CCDC30: variants seen among roughly 807,000 people sequenced by gnomAD.
CCDC30 encodes the protein coiled-coil domain containing 30.
In CCDC30, 70 loss-of-function variants were observed where a neutral mutation model predicts 100.2. The observed-to-expected ratio is 0.70, with a 90% confidence interval of 0.58 to 0.85. The LOEUF is 0.85. Among genes scored for constraint, CCDC30 ranks in the 40% least tolerant of loss-of-function variants. CCDC30 has a pLI of 0.00. For missense variants in CCDC30, 652 were observed against 771.2 expected, an observed-to-expected ratio of 0.85 and a Z score of 1.83; for synonymous variants, 233 against 269.5, an observed-to-expected ratio of 0.86 and a Z score of 1.33.
At chr1:42,496,579 TTTGA>T (rs1453433889) in intron 4 of CCDC30, among the ~76,000 whole-genome samples, 1 of 152,096 alleles carries the variant, frequency 6.6e-6, no homozygotes, top group African/African-American at 2.4e-5. Context: ...AACTATGTAG[TTTGA>T]TTAACAAAAA....
intron 15 of CCDC30, among the ~76,000 whole-genome samples, chr1:42,647,892 A>G (rs1345242725): frequency 2.6e-5 from 4 of 152,218 alleles, no homozygotes; most frequent in Admixed American, 2.6e-4. Flanking sequence ...ATGGGAATAC[A>G]AAATCTATGG....
chr1:42,586,094 G>A (rs1406928394), intron 9 of CCDC30, among the ~76,000 whole-genome samples: 2 of 152,210 alleles, frequency 1.3e-5, no homozygotes, highest in Non-Finnish European at 2.9e-5. Context: ...GAGTGAGGGA[G>A]CTTAAGAAAG....
intron 15 of CCDC30, among the ~76,000 whole-genome samples, chr1:42,646,619 G>A (rs888071991): frequency 2.0e-5 from 3 of 152,208 alleles, no homozygotes; most frequent in Non-Finnish European, 2.9e-5. Flanking sequence ...GAAGACATAA[G>A]AGTGGCTGTA....
chr1:42,639,825 G>T (rs996916159), intron 12 of CCDC30, among the ~76,000 whole-genome samples: 5 of 152,120 alleles, frequency 3.3e-5, no homozygotes, highest in Non-Finnish European at 7.3e-5. Flanking sequence ...GAAGGGCCAG[G>T]TGTGGTGGCT....
chr1:42,612,703 C>T (rs2148644447), intron 11 of CCDC30, among the ~76,000 whole-genome samples: 1 of 152,280 alleles, frequency 6.6e-6, no homozygotes, highest in South Asian at 2.1e-4. Context: ...CATGAAACTA[C>T]TTGGACCTGA....
At chr1:42,642,761 G>C (rs1647566621) in intron 13 of CCDC30, 152 bp downstream of exon 17, 2 of 702,940 alleles carry the variant, frequency 2.8e-6, no homozygotes, top group South Asian at 1.1e-4. Context: ...TCATACAAGT[G>C]GCAGAAATTG....
At chr1:42,589,326 T>C in exon 10 of CCDC30, 1 of 1,598,522 alleles carries the variant, frequency 6.3e-7, no homozygotes, top group Non-Finnish European at 8.5e-7. Context: ...CTCAGGAAAC[T>C]TCTATATCAG....
intron 6 of CCDC30, chr1:42,500,109 C>T: frequency 1.7e-6 from 2 of 1,152,026 alleles, no homozygotes; most frequent in Non-Finnish European, 2.6e-6. Context: ...CTTGATCCAA[C>T]CTCTTTGCAT....
At position 42,586,740 on chromosome 1, in the gene CCDC30, A is replaced by G. The variant is rs181493078; in HGVS notation, c.1002-2581A>G. On this transcript the variant is annotated intron_variant, in intron 9 of 16. Coordinates refer to ENST00000668663, the Ensembl canonical transcript of CCDC30. ...ATCAAGGAACAGAAAAAATATATAT[A>G]TAAGAAAGAGTAATGGGGAGCCACT... Among the ~76,000 whole-genome samples, 101 of 152,292 alleles carry G rather than the reference A, an allele frequency of 6.6e-4. 2 individuals are homozygous for G. Among genetic ancestry groups the G allele is most frequent in the Middle Eastern group, 3.4e-3 (1 of 294 alleles).
chr1:42,519,977 T>C (rs922543491), intron 6 of CCDC30, among the ~76,000 whole-genome samples: 1 of 152,184 alleles, frequency 6.6e-6, no homozygotes, highest in Non-Finnish European at 1.5e-5. Context: ...CACTTCCTAA[T>C]TTAATAATTT....
intron 9 of CCDC30, 36 bp downstream of exon 13, chr1:42,581,550 T>TA: frequency 6.3e-7 from 1 of 1,580,422 alleles, no homozygotes; most frequent in Non-Finnish European, 8.6e-7. Flanking sequence ...CCTGTGGGTT[T>TA]AGCCATGACT....
Position 42,542,180 on chromosome 1 carries a change from T to C in CCDC30, c.457-24116T>C, listed in dbSNP as rs115163381. Among the ~76,000 whole-genome samples, 570 of 152,360 alleles carry C rather than the reference T, an allele frequency of 3.7e-3. 2 individuals carry two copies. The highest frequency in any genetic ancestry group is 0.013 in the African/African-American group (530 of 41,588). ...GTCCTGTTCCACAATAGCCATGTCA[T>C]GGAGGGTCTGATGGCTTTAACTTTC... On this transcript the variant is annotated intron_variant, in intron 6 of 16. Coordinates refer to ENST00000668663, the Ensembl canonical transcript of CCDC30.
chr1:42,610,218 C>A (rs1004795316), intron 10 of CCDC30, among the ~76,000 whole-genome samples: 1 of 152,168 alleles, frequency 6.6e-6, no homozygotes, highest in Non-Finnish European at 1.5e-5. Context: ...ATAATCAATT[C>A]TTTTGCCATA....
At chr1:42,461,025 T>C (rs1643397235), upstream of CCDC30, among the ~76,000 whole-genome samples, 1 of 152,236 alleles carries the variant, frequency 6.6e-6, no homozygotes, top group East Asian at 1.9e-4. Flanking sequence ...AGTAGCATAG[T>C]GCAAAAAAAT....
chr1:42,539,185 T>A (rs1363320644), intron 6 of CCDC30: 4 of 1,584,518 alleles, frequency 2.5e-6, no homozygotes, highest in Admixed American at 3.7e-5. Flanking sequence ...ATTGCAAAAA[T>A]CAAAGTCAGA....
chr1:42,495,917 G>C (rs775678202), intron 4 of CCDC30, among the ~76,000 whole-genome samples: 2 of 152,086 alleles, frequency 1.3e-5, no homozygotes, highest in Non-Finnish European at 2.9e-5. Flanking sequence ...TAACTTGTTG[G>C]ATAGTAAAAT....
chr1:42,576,453 C>A (rs965206712), intron 7 of CCDC30, among the ~76,000 whole-genome samples: 1 of 152,272 alleles, frequency 6.6e-6, no homozygotes, highest in South Asian at 2.1e-4. Context: ...TTTGGAGATA[C>A]AGGCAGAATC....
rs540787811 is a variant in CCDC30 at position 42,514,140 on chromosome 1, A to G, written c.456+15224A>G. 3.9e-5 allele frequency among the ~76,000 whole-genome samples: 6 copies of G among 152,350 alleles called. No homozygotes were observed. The East Asian group carries it at 1.2e-3, about 29-fold the overall frequency. On this transcript the variant is annotated intron_variant, in intron 6 of 16. Transcript: ENST00000668663. ...GATATACATCACATTTTGTTTATTTATTCATCAATTGGACATTTGATAGTT... is the reference window on the plus strand; with the variant it reads ...GATATACATCACATTTTGTTTATTTGTTCATCAATTGGACATTTGATAGTT...
chr1:42,653,524 T>C (rs1018018464), intron 16 of CCDC30, 81 bp downstream of exon 20: 3 of 868,974 alleles, frequency 3.5e-6, no homozygotes, highest in Non-Finnish European at 1.9e-6. Context: ...GCTGCCTAAC[T>C]AGTCCTGGAT....
Sources: gnomAD v4.1 joint callset for allele counts (sites outside exome capture counted in the v4.1 genomes callset) on GRCh38, gnomAD v4.1.1 for gene constraint, MANE v1.5 for transcripts, NCBI Gene and HGNC (gene_info 2026-07-23, HGNC 2026-07-21) for gene names.